FGGY: variants seen among roughly 807,000 people sequenced by gnomAD.
FGGY encodes FGGY carbohydrate kinase domain containing.
In FGGY, 72 loss-of-function variants were observed where a neutral mutation model predicts 71.3. The observed-to-expected ratio is 1.01, with a 90% CI of 0.84 to 1.23. The LOEUF (loss-of-function observed/expected upper bound fraction) is 1.23, where lower values mean the gene tolerates loss of function less well. FGGY is among the 50% of genes most tolerant of loss of function. The pLI is 0.00. For missense variants in FGGY, 668 were observed against 682.3 expected, an observed-to-expected ratio of 0.98 and a Z score of 0.23; for synonymous variants, 251 against 250.3, an observed-to-expected ratio of 1.00 and a Z score of -0.02.
At chr1:59,352,242 A>G (rs1004579951) in intron 4 of FGGY, among the ~76,000 whole-genome samples, 12 of 152,188 alleles carry the variant, frequency 7.9e-5, no homozygotes, top group African/African-American at 2.9e-4. Flanking sequence ...GTGCAGACTG[A>G]GGAAGGTCAA....
intron 8 of FGGY, among the ~76,000 whole-genome samples, chr1:59,584,173 C>A (rs2096244093): frequency 6.7e-6 from 1 of 149,152 alleles, no homozygotes; most frequent in Admixed American, 6.6e-5. Flanking sequence ...ATGAGGCCAG[C>A]AACATCCTGA....
intron 8 of FGGY, among the ~76,000 whole-genome samples, chr1:59,556,580 A>G (rs1456786592): frequency 6.6e-6 from 1 of 152,204 alleles, no homozygotes; most frequent in Non-Finnish European, 1.5e-5. Flanking sequence ...TGGTGAGAAC[A>G]TGGGCTTTTA....
At chr1:59,380,937 A>G (rs535231341) in intron 5 of FGGY, among the ~76,000 whole-genome samples, 1 of 148,218 alleles carries the variant, frequency 6.7e-6, no homozygotes, top group Non-Finnish European at 1.5e-5. Flanking sequence ...CTAACATGTA[A>G]GTCTTTAATC....
intron 2 of FGGY, among the ~76,000 whole-genome samples, chr1:59,339,151 T>C (rs1186225328): frequency 2.6e-5 from 4 of 152,156 alleles, no homozygotes; most frequent in African/African-American, 4.8e-5. Context: ...ATATGAAACA[T>C]ATATGAATTT....
At chr1:59,465,204 C>T (rs917930843) in intron 6 of FGGY, among the ~76,000 whole-genome samples, 5 of 152,138 alleles carry the variant, frequency 3.3e-5, no homozygotes, top group African/African-American at 1.2e-4. Context: ...AAGGCGGTTC[C>T]ACATATGCAA....
intron 2 of FGGY, among the ~76,000 whole-genome samples, chr1:59,324,126 C>T (rs1482070738): frequency 6.6e-6 from 1 of 152,086 alleles, no homozygotes; most frequent in Non-Finnish European, 1.5e-5. Flanking sequence ...AGATGACTTT[C>T]CTCTTAGTTA....
chr1:59,582,566 A>G (rs536214225), intron 8 of FGGY, among the ~76,000 whole-genome samples: 1 of 144,956 alleles, frequency 6.9e-6, no homozygotes, highest in East Asian at 2.0e-4. Flanking sequence ...CCTTCCCTCT[A>G]CTCCTTCTCC....
chr1:59,364,242 C>T (rs898994658), intron 4 of FGGY, among the ~76,000 whole-genome samples: 4 of 152,174 alleles, frequency 2.6e-5, no homozygotes, highest in Non-Finnish European at 5.9e-5. Flanking sequence ...CTGCACTGAC[C>T]TGGGAGTCCA....
upstream of FGGY, chr1:59,297,009 C>G (rs1006584697): frequency 2.6e-5 from 4 of 153,294 alleles, no homozygotes; most frequent in Admixed American, 2.0e-4. Flanking sequence ...CAACCCGGCC[C>G]GGCCCTTCCT....
At chr1:59,492,647 C>T (rs943359485) in intron 6 of FGGY, among the ~76,000 whole-genome samples, 5 of 151,998 alleles carry the variant, frequency 3.3e-5, no homozygotes, top group Admixed American at 6.6e-5. Flanking sequence ...CTTTCAGCTG[C>T]CTGGTATCCA....
At chr1:59,661,109 A>C (rs977437556) in intron 12 of FGGY, among the ~76,000 whole-genome samples, 1 of 152,256 alleles carries the variant, frequency 6.6e-6, no homozygotes, top group Non-Finnish European at 1.5e-5. Context: ...ATTTTAATTC[A>C]AAATTTATTT....
chr1:59,308,579 G>A (rs1352699536), intron 1 of FGGY, among the ~76,000 whole-genome samples: 2 of 152,060 alleles, frequency 1.3e-5, no homozygotes, highest in African/African-American at 2.4e-5. Context: ...AGCATCCATC[G>A]GAATCACCTG....
At chr1:59,552,573 G>T (rs1486002474) in intron 7 of FGGY, among the ~76,000 whole-genome samples, 2 of 152,168 alleles carry the variant, frequency 1.3e-5, no homozygotes, top group Non-Finnish European at 2.9e-5. Flanking sequence ...TGAGCAGCCA[G>T]TGCCTTCAGT....
chr1:59,374,838 C>T (rs1393953821), intron 4 of FGGY, among the ~76,000 whole-genome samples: 1 of 139,562 alleles, frequency 7.2e-6, no homozygotes. Flanking sequence ...TATTCTCACT[C>T]ATAGGTGGGA....
At position 59,588,424 on chromosome 1, in the gene FGGY, G is replaced by C. The variant is rs563577853; in HGVS notation, c.904-19379G>C. ...ATCTAGCAAGGCAGGCCAACGTTCA[G>C]ATTCAGGAAATACAGAGAACGCCAC... On this transcript the variant is annotated intron_variant, in intron 8 of 15. Transcript: ENST00000303721. Among the ~76,000 whole-genome samples the C allele has an allele frequency of 3.2e-4, 48 of 152,014 alleles. 1 individual carries two copies. The highest frequency in any genetic ancestry group is 1.4e-3 in the Admixed American group (21 of 15,270).
chr1:59,323,150 A>T (rs1415779806), intron 2 of FGGY, among the ~76,000 whole-genome samples: 1 of 151,878 alleles, frequency 6.6e-6, no homozygotes, highest in African/African-American at 2.4e-5. Flanking sequence ...AGAATCTTCT[A>T]CTCTTTGCAC....
chr1:59,761,551 C>G (rs552365676), intron 15 of FGGY, among the ~76,000 whole-genome samples: 1 of 152,172 alleles, frequency 6.6e-6, no homozygotes, highest in Non-Finnish European at 1.5e-5. Flanking sequence ...GACAAAGTTG[C>G]AAGGCTGCAA....
chr1:59,436,708 C>T (rs1394627104), intron 5 of FGGY, among the ~76,000 whole-genome samples: 1 of 152,204 alleles, frequency 6.6e-6, no homozygotes, highest in Admixed American at 6.5e-5. Context: ...CATAGAGCAA[C>T]ACTTCTCTTT....
At chr1:59,724,573 C>T (rs1015398390) in intron 14 of FGGY, among the ~76,000 whole-genome samples, 5 of 151,932 alleles carry the variant, frequency 3.3e-5, no homozygotes, top group African/African-American at 1.2e-4. Context: ...CTTTTTATTG[C>T]CTCTATAGTT....
Sources: gnomAD v4.1 joint callset for allele counts (sites outside exome capture counted in the v4.1 genomes callset) on GRCh38, gnomAD v4.1.1 for gene constraint, MANE v1.5 for transcripts, NCBI Gene and HGNC (gene_info 2026-07-23, HGNC 2026-07-21) for gene names.